MUC22: variants seen among roughly 807,000 people sequenced by gnomAD.
The protein encoded by MUC22 is mucin 22.
In MUC22, 24 loss-of-function variants were observed where a neutral mutation model predicts 40.3. The observed-to-expected ratio is 0.60, with a 90% CI of 0.43 to 0.84. MUC22 has a LOEUF of 0.84. Among genes scored for constraint, MUC22 ranks in the 40% least tolerant of loss-of-function variants. MUC22 has a pLI of 0.00. For synonymous variants in MUC22, 765 were observed against 844.5 expected, an observed-to-expected ratio of 0.91 and a Z score of 1.63; for missense variants, 1,926 against 2,130.7, an observed-to-expected ratio of 0.90 and a Z score of 1.89.
At chr6:31,030,441 C>T (rs890326397) in intron 2 of MUC22, among the ~76,000 whole-genome samples, 5 of 149,432 alleles carry the variant, frequency 3.3e-5, no homozygotes, top group Non-Finnish European at 7.4e-5. Context: ...GATGTGAATC[C>T]GGGAGGTGGA....
chr6:31,016,625 G>A (rs1764220959), intron 1 of MUC22, among the ~76,000 whole-genome samples: 2 of 152,234 alleles, frequency 1.3e-5, no homozygotes, highest in African/African-American at 2.4e-5. Context: ...CCTTTTGAGA[G>A]GTGACAGGGT....
At chr6:31,022,134 A>T (rs888200071) in intron 1 of MUC22, among the ~76,000 whole-genome samples, 3 of 152,122 alleles carry the variant, frequency 2.0e-5, no homozygotes, top group South Asian at 4.2e-4. Context: ...ACATCTGAAC[A>T]TCAGAAGGAG....
chr6:31,034,908 C>G, exon 4 of MUC22: 1 of 1,535,392 alleles, frequency 6.5e-7, no homozygotes, highest in South Asian at 1.2e-5. Context: ...TGAATCATGG[C>G]GGGCATTATG....
intron 3 of MUC22, among the ~76,000 whole-genome samples, chr6:31,033,096 T>C (rs954105083): frequency 1.3e-5 from 2 of 151,606 alleles, no homozygotes; most frequent in Non-Finnish European, 2.9e-5. Context: ...ACCTGGGAGA[T>C]GGAGGTTGCA....
At position 31,017,560 on chromosome 6, in the gene MUC22, A is replaced by G. The variant is rs183466833; in HGVS notation, c.70+6784A>G. 5.3e-5 allele frequency among the ~76,000 whole-genome samples: 8 copies of G among 152,276 alleles called. No homozygotes were observed. In the South Asian group the frequency reaches 1.5e-3, roughly 28 times the overall value. ...TAGCTAAGGGATTGTAAATACACCA[A>G]TCAGCACCCTGTGTCTCGCTCAAGG... On this transcript the variant is annotated intron_variant, in intron 1 of 3. Coordinates refer to ENST00000561890, the Ensembl canonical transcript of MUC22.
At chr6:31,033,540 C>T (rs1192149018) in intron 3 of MUC22, among the ~76,000 whole-genome samples, 2 of 152,202 alleles carry the variant, frequency 1.3e-5, no homozygotes, top group Non-Finnish European at 2.9e-5. Flanking sequence ...ATCGATTTCA[C>T]ATTTATTGAT....
At chr6:31,021,369 A>C (rs1168947215) in intron 1 of MUC22, among the ~76,000 whole-genome samples, 2 of 145,582 alleles carry the variant, frequency 1.4e-5, no homozygotes, top group Admixed American at 6.9e-5. Flanking sequence ...ACCAATCGGC[A>C]CTCTGTATCT....
In MUC22 at chr6:31,029,457, C is replaced by T. The variant is rs750988406; in HGVS notation, c.4026C>T (p.Gly1342=). The change falls in exon 2 of 4, where the codon GGC becomes GGT. Residue 1342 remains glycine (G), a synonymous_variant. Transcript: ENST00000561890. ...AGACCACCACAGTCTCCACCTCAGG[C>T]TCTGGGACCACCACAGCCTCTACCG... 7 of 1,534,670 alleles carry T rather than the reference C, an allele frequency of 4.6e-6. No individual in the cohort carries two copies. The East Asian group carries it at 1.5e-4, about 32-fold the overall frequency.
At chr6:31,009,347 A>G (rs965785743), upstream of MUC22, among the ~76,000 whole-genome samples, 1 of 152,158 alleles carries the variant, frequency 6.6e-6, no homozygotes, top group African/African-American at 2.4e-5. Flanking sequence ...GATTACAGGC[A>G]TGAGCCACCG....
intron 1 of MUC22, among the ~76,000 whole-genome samples, chr6:31,022,699 C>T (rs980478128): frequency 2.6e-5 from 4 of 151,884 alleles, no homozygotes; most frequent in Admixed American, 1.3e-4. Flanking sequence ...TGTTGAGACT[C>T]TCATGCCTTT....
exon 2 of MUC22, chr6:31,026,020 A>T (rs1765272105): frequency 6.5e-7 from 1 of 1,530,038 alleles, no homozygotes. Flanking sequence ...TGAGACCACC[A>T]CCACCTCCAC....
intron 1 of MUC22, among the ~76,000 whole-genome samples, chr6:31,016,966 C>T (rs184690935): frequency 3.3e-5 from 5 of 152,234 alleles, no homozygotes; most frequent in South Asian, 2.1e-4. Context: ...GCGGAGGGTG[C>T]GCCAGGTTCC....
exon 2 of MUC22, chr6:31,026,271 C>T (rs761534051): frequency 7.8e-7 from 1 of 1,286,416 alleles, no homozygotes; most frequent in East Asian, 2.7e-5. Flanking sequence ...CCACTACAAT[C>T]CTGATTAAAG....
At chr6:31,028,283 G>T (rs1445789253) in exon 2 of MUC22, 1 of 1,534,256 alleles carries the variant, frequency 6.5e-7, no homozygotes, top group Admixed American at 2.0e-5. Context: ...TCCATCACAG[G>T]CTCTGAGACC....
chr6:31,012,993 G>A (rs903940909), intron 1 of MUC22, among the ~76,000 whole-genome samples: 1 of 151,930 alleles, frequency 6.6e-6, no homozygotes, highest in Admixed American at 6.6e-5. Context: ...CAGTAAGCTT[G>A]GTGGGATGGC....
intron 1 of MUC22, among the ~76,000 whole-genome samples, chr6:31,017,234 G>T (rs1453413610): frequency 6.6e-6 from 1 of 152,238 alleles, no homozygotes; most frequent in African/African-American, 2.4e-5. Context: ...CCAGGTGCGG[G>T]ATCCACTAGG....
chr6:31,021,789 G>T (rs1232700909), intron 1 of MUC22, among the ~76,000 whole-genome samples: 4 of 152,164 alleles, frequency 2.6e-5, no homozygotes, highest in African/African-American at 7.2e-5. Context: ...GATGTGGGTG[G>T]GGCCAGATAA....
intron 1 of MUC22, among the ~76,000 whole-genome samples, chr6:31,017,857 CT>C (rs1562581334): frequency 6.6e-6 from 1 of 152,212 alleles, no homozygotes; most frequent in African/African-American, 2.4e-5. Flanking sequence ...GGGTACTCTT[CT>C]ATAGTGTGGA....
chr6:31,016,535 A>G (rs1764213409), intron 1 of MUC22, among the ~76,000 whole-genome samples: 1 of 152,260 alleles, frequency 6.6e-6, no homozygotes, highest in Non-Finnish European at 1.5e-5. Flanking sequence ...GAAGTGCTGG[A>G]AGCTGAGCAA....
Sources: allele counts gnomAD v4.1 joint callset (sites outside exome capture counted in the v4.1 genomes callset), GRCh38; gene constraint gnomAD v4.1.1; transcripts MANE v1.5; gene names NCBI Gene and HGNC (gene_info 2026-07-23, HGNC 2026-07-21).